DGLUCY: variants seen among roughly 807,000 people sequenced by gnomAD.
DGLUCY encodes D-glutamate cyclase, mitochondrial.
DGLUCY carries 58 observed loss-of-function variants against 58.5 expected under a neutral mutation model. The observed-to-expected ratio is 0.99, with a 90% CI of 0.80 to 1.23. The LOEUF (loss-of-function observed/expected upper bound fraction) is 1.23. Among genes scored for constraint, DGLUCY ranks in the 50% most tolerant of loss-of-function variants. The pLI, the probability that DGLUCY is intolerant of heterozygous loss-of-function variation, is 0.00. For synonymous variants in DGLUCY, 325 were observed against 314.1 expected, an observed-to-expected ratio of 1.03 and a Z score of -0.37; for missense variants, 779 against 784.7, an observed-to-expected ratio of 0.99 and a Z score of 0.09.
intron 8 of DGLUCY, among the ~76,000 whole-genome samples, chr14:91,184,721 A>T (rs2140476765): frequency 6.6e-6 from 1 of 151,436 alleles, no homozygotes; most frequent in Non-Finnish European, 1.5e-5. Flanking sequence ...CTAGGAGCAA[A>T]AGTTGTCTTC....
chr14:91,196,569 C>A, intron 10 of DGLUCY, 95 bp downstream of exon 10: 1 of 1,013,324 alleles, frequency 9.9e-7, no homozygotes, highest in Non-Finnish European at 1.5e-6. Flanking sequence ...CCAAGCCCTT[C>A]AGAGGGAGCG....
At chr14:91,185,303 G>A (rs1464004654) in intron 8 of DGLUCY, among the ~76,000 whole-genome samples, 1 of 53,672 alleles carries the variant, frequency 1.9e-5, no homozygotes, top group Non-Finnish European at 3.4e-5. Context: ...TTTTTTTTGA[G>A]ACAGGTTCTT....
At position 91,135,926 on chromosome 14, in the gene DGLUCY, C is replaced by CTT. The variant is rs34202137; in HGVS notation, c.-82+21668_-82+21669dup. On this transcript the variant is annotated intron_variant, in intron 1 of 13. Transcript: ENST00000256324. The stretch of plus-strand genomic sequence containing the variant: ...TTCCAACTTGGCTAGGATACATTAG[C>CTT]TTTTTTTTTTTTTTTTTTTTTTTTT... Among the ~76,000 whole-genome samples, 39 of 51,208 alleles carry CTT rather than the reference C, an allele frequency of 7.6e-4. 1 individual carries two copies. Among genetic ancestry groups the CTT allele is most frequent in the African/African-American group, 1.7e-3 (25 of 14,976 alleles). 33.6% of individuals were successfully genotyped at this position (51,208 alleles called of 152,430 possible).
At chr14:91,112,267 A>G (rs2044716720), upstream of DGLUCY, among the ~76,000 whole-genome samples, 1 of 151,272 alleles carries the variant, frequency 6.6e-6, no homozygotes, top group Admixed American at 6.6e-5. Flanking sequence ...AAAAAAAAAG[A>G]GTTTAACATA....
At chr14:91,127,151 A>G (rs2045754425) in intron 1 of DGLUCY, among the ~76,000 whole-genome samples, 1 of 147,136 alleles carries the variant, frequency 6.8e-6, no homozygotes, top group Admixed American at 7.0e-5. Flanking sequence ...CAACCTCCCA[A>G]TCTCAAGCCA....
chr14:91,223,358 C>T (rs1255216355), intron 13 of DGLUCY, among the ~76,000 whole-genome samples: 1 of 152,168 alleles, frequency 6.6e-6, no homozygotes, highest in Non-Finnish European at 1.5e-5. Context: ...AATGCCTGAG[C>T]AGGGAGAGAG....
At chr14:91,098,710 A>T (rs2044435228) in intron 1 of DGLUCY, among the ~76,000 whole-genome samples, 2 of 151,988 alleles carry the variant, frequency 1.3e-5, no homozygotes, top group African/African-American at 4.8e-5. Context: ...AAAAGATGTC[A>T]TTTCTTAGAA....
At chr14:91,174,833 T>C (rs1302462448) in intron 6 of DGLUCY, among the ~76,000 whole-genome samples, 1 of 152,162 alleles carries the variant, frequency 6.6e-6, no homozygotes, top group African/African-American at 2.4e-5. Flanking sequence ...TGGGTTCTGA[T>C]GCTATCTCCA....
At chr14:91,112,250 A>C (rs2044716206), upstream of DGLUCY, among the ~76,000 whole-genome samples, 1 of 139,938 alleles carries the variant, frequency 7.1e-6, no homozygotes, top group Non-Finnish European at 1.6e-5. Flanking sequence ...ACTCTGTCTC[A>C]AAAAAAAAAA....
chr14:91,136,825 C>T (rs1159081609), intron 1 of DGLUCY, among the ~76,000 whole-genome samples: 1 of 152,098 alleles, frequency 6.6e-6, no homozygotes, highest in South Asian at 2.1e-4. Flanking sequence ...CAAAATTAGT[C>T]AGGCGTGGTG....
chr14:91,061,087 TCCGCCAATCA>T (rs1343754434), intron 1 of DGLUCY, among the ~76,000 whole-genome samples: 2 of 152,084 alleles, frequency 1.3e-5, no homozygotes, highest in African/African-American at 2.4e-5. Flanking sequence ...GAACGTTTGG[TCCGCCAATCA>T]CCGTGGACAG....
At chr14:91,060,423 C>T in exon 1 of DGLUCY, 2 of 1,496,654 alleles carry the variant, frequency 1.3e-6, no homozygotes, top group South Asian at 1.3e-5. Flanking sequence ...TGCTGCCACC[C>T]TCCTCCTCCA....
chr14:91,154,591 G>A (rs1198548903), intron 1 of DGLUCY, among the ~76,000 whole-genome samples: 1 of 152,142 alleles, frequency 6.6e-6, no homozygotes, highest in East Asian at 1.9e-4. Flanking sequence ...GCAGGCTTGC[G>A]CAGTTCCCAG....
intron 13 of DGLUCY, chr14:91,215,775 C>T (rs894429406): frequency 7.2e-7 from 1 of 1,396,968 alleles, no homozygotes; most frequent in Non-Finnish European, 9.3e-7. Flanking sequence ...TGACCATTTT[C>T]CTTCTAGTTT....
intron 1 of DGLUCY, among the ~76,000 whole-genome samples, chr14:91,085,102 G>A (rs759731566): frequency 2.6e-5 from 4 of 151,426 alleles, no homozygotes; most frequent in Admixed American, 1.3e-4. Context: ...TGCACTTGTC[G>A]TTCCTGCTAC....
chr14:91,215,254 C>A, intron 12 of DGLUCY, 151 bp from the exon 13 acceptor site: 2 of 1,328,634 alleles, frequency 1.5e-6, no homozygotes, highest in Non-Finnish European at 2.0e-6. Context: ...TTGGCTGGGG[C>A]CAAAGAATTT....
At chr14:91,196,097 T>G (rs1249513206) in intron 9 of DGLUCY, among the ~76,000 whole-genome samples, 1 of 152,184 alleles carries the variant, frequency 6.6e-6, no homozygotes, top group African/African-American at 2.4e-5. Flanking sequence ...AGGCCGCTGT[T>G]CCCATGGTAT....
intron 5 of DGLUCY, among the ~76,000 whole-genome samples, chr14:91,172,584 T>G (rs1262549550): frequency 6.7e-6 from 1 of 148,566 alleles, no homozygotes; most frequent in East Asian, 1.9e-4. Context: ...ACAATGATAG[T>G]AGAACTGGCA....
intron 1 of DGLUCY, chr14:91,060,714 C>G (rs991528513): frequency 7.0e-5 from 22 of 315,574 alleles, no homozygotes; most frequent in Non-Finnish European, 1.3e-4. Context: ...GGTAAGGGAG[C>G]CATTCGAGCC....
Sources: gnomAD v4.1 joint callset for allele counts (sites outside exome capture counted in the v4.1 genomes callset) on GRCh38, gnomAD v4.1.1 for gene constraint, MANE v1.5 for transcripts, NCBI Gene and HGNC (gene_info 2026-07-23, HGNC 2026-07-21) for gene names.